RERE: variants seen among roughly 807,000 people sequenced by gnomAD.
RERE encodes the protein arginine-glutamic acid dipeptide repeats.
A neutral mutation model predicts 146.1 loss-of-function variants in RERE; 40 were observed. The ratio of observed to expected loss-of-function variants is 0.27; its 90% CI spans 0.21 to 0.36. The LOEUF is 0.36. Among genes scored for constraint, RERE ranks in the 10% least tolerant of loss-of-function variants. The pLI, the probability that RERE is intolerant of heterozygous loss-of-function variation, is 1.00. For synonymous variants in RERE, 1,003 were observed against 866.0 expected (o/e 1.16, Z -2.78); for missense variants, 1,933 against 2,138.7 (o/e 0.90, Z 1.90).
intron 12 of RERE, among the ~76,000 whole-genome samples, chr1:8,383,629 G>A (rs1642531542): frequency 6.6e-6 from 1 of 152,128 alleles, no homozygotes; most frequent in Non-Finnish European, 1.5e-5. Flanking sequence ...GGGAGGCTGA[G>A]GTGGGTGGAT....
At chr1:8,802,395 T>C (rs1569829614) in intron 1 of RERE, among the ~76,000 whole-genome samples, 1 of 152,300 alleles carries the variant, frequency 6.6e-6, no homozygotes, top group Non-Finnish European at 1.5e-5. Flanking sequence ...AAAAAGAAAA[T>C]TGAAACACAA....
intron 12 of RERE, among the ~76,000 whole-genome samples, chr1:8,383,959 T>C (rs1447901378): frequency 3.3e-5 from 5 of 152,192 alleles, no homozygotes; most frequent in African/African-American, 1.2e-4. Flanking sequence ...CTTATGATAA[T>C]GTGGGGCTCA....
chr1:8,641,987 G>A (rs1441677776), intron 2 of RERE, among the ~76,000 whole-genome samples: 1 of 152,140 alleles, frequency 6.6e-6, no homozygotes, highest in Non-Finnish European at 1.5e-5. Flanking sequence ...TTTTATCTCT[G>A]TGAAGATCTA....
chr1:8,524,217 G>A (rs1375197758), intron 7 of RERE, among the ~76,000 whole-genome samples: 1 of 152,088 alleles, frequency 6.6e-6, no homozygotes, highest in Non-Finnish European at 1.5e-5. Context: ...GGTCACAATG[G>A]GAAGAAAGCC....
At chr1:8,739,870 A>T (rs1640273916) in intron 1 of RERE, among the ~76,000 whole-genome samples, 1 of 149,838 alleles carries the variant, frequency 6.7e-6, no homozygotes, top group African/African-American at 2.4e-5. Flanking sequence ...TATATAATAA[A>T]TAATATATTA....
intron 1 of RERE, among the ~76,000 whole-genome samples, chr1:8,744,504 C>A (rs1640380258): frequency 6.6e-6 from 1 of 152,158 alleles, no homozygotes; most frequent in South Asian, 2.1e-4. Context: ...AAAACATACA[C>A]AGCAATGTAA....
intron 8 of RERE, among the ~76,000 whole-genome samples, chr1:8,505,327 G>A (rs935874922): frequency 6.6e-6 from 1 of 152,174 alleles, no homozygotes; most frequent in Admixed American, 6.5e-5. Flanking sequence ...TATTGTGATT[G>A]TGTCCAAATC....
chr1:8,493,713 A>T (rs568173541), intron 10 of RERE, among the ~76,000 whole-genome samples: 6 of 151,570 alleles, frequency 4.0e-5, no homozygotes, highest in South Asian at 4.2e-4. Context: ...TCAAGAAATT[A>T]AAAAAAAAGA....
chr1:8,607,522 T>TTATATA (rs1274537900), intron 4 of RERE, among the ~76,000 whole-genome samples: 4 of 145,628 alleles, frequency 2.7e-5, no homozygotes, highest in East Asian at 4.1e-4. Context: ...ATATTTGTTT[T>TTATATA]TATATATATT....
chr1:8,361,694 G>A, intron 17 of RERE, 69 bp downstream of exon 17: 2 of 1,445,386 alleles, frequency 1.4e-6, no homozygotes, highest in South Asian at 1.2e-5. Context: ...ACCAACTAGG[G>A]AGAACCCCGG....
chr1:8,360,786 C>T lies in RERE; in HGVS notation c.2721G>A (p.Leu907=). The part of the protein sequence containing the change: ...SLQLPASQSA[L]QSQQPPREQP... ...GCTCCCGTGGAGGCTGTTGGGACTG[C>T]AGCGCTGACTGAGAGGCTGGCAGCT... Residue 907 remains leucine, a synonymous_variant, in exon 18 of 23, where the codon CTG becomes CTA. Coordinates refer to ENST00000400908, the MANE Select transcript of RERE (RefSeq NM_001042681.2). The T allele has an allele frequency of 6.3e-7, 1 of 1,590,560 alleles. No individual in the cohort carries two copies. The highest frequency in any genetic ancestry group is 8.5e-7 in the Non-Finnish European group (1 of 1,173,582).
chr1:8,514,726 G>A (rs926114959), intron 7 of RERE, among the ~76,000 whole-genome samples: 4 of 149,486 alleles, frequency 2.7e-5, no homozygotes, highest in South Asian at 2.1e-4. Flanking sequence ...ATGAAACTCC[G>A]CCTCAAAAAA....
At chr1:8,397,175 CTG>C (rs1643084120) in intron 12 of RERE, among the ~76,000 whole-genome samples, 1 of 152,212 alleles carries the variant, frequency 6.6e-6, no homozygotes, top group Non-Finnish European at 1.5e-5. Context: ...AGTGTGAACT[CTG>C]TGTTCTTTGG....
At chr1:8,400,220 A>ATG (rs1491569097) in intron 12 of RERE, among the ~76,000 whole-genome samples, 5 of 33,902 alleles carry the variant, frequency 1.5e-4, no homozygotes, top group African/African-American at 3.2e-4. Context: ...TTCCTGTGTC[A>ATG]TATGTGTGTG....
intron 1 of RERE, among the ~76,000 whole-genome samples, chr1:8,710,674 C>T (rs900725658): frequency 6.6e-6 from 1 of 152,108 alleles, no homozygotes; most frequent in Admixed American, 6.5e-5. Context: ...GCCCACCACG[C>T]CCGGCTAATT....
chr1:8,355,275 C>T (rs1185093882), intron 22 of RERE, 144 bp downstream of exon 22: 3 of 1,142,024 alleles, frequency 2.6e-6, no homozygotes, highest in Non-Finnish European at 3.8e-6. Context: ...CTCCCTTCCT[C>T]TGTTTCTCCC....
At chr1:8,519,306 C>A (rs1645461078) in intron 7 of RERE, among the ~76,000 whole-genome samples, 1 of 152,142 alleles carries the variant, frequency 6.6e-6, no homozygotes, top group Non-Finnish European at 1.5e-5. Flanking sequence ...GTAAAATGCA[C>A]CTGCAGTCCC....
chr1:8,640,146 C>T (rs909174586), intron 2 of RERE, among the ~76,000 whole-genome samples: 1 of 130,580 alleles, frequency 7.7e-6, no homozygotes, highest in African/African-American at 2.8e-5. Context: ...CAGAGTAAGA[C>T]CCTGTCTCAG....
chr1:8,359,592 G>A (rs978739689), intron 19 of RERE, among the ~76,000 whole-genome samples, 172 bp downstream of exon 19: 2 of 152,196 alleles, frequency 1.3e-5, no homozygotes, highest in African/African-American at 4.8e-5. Context: ...CGGCAGCTTC[G>A]GATGTGCAGC....
Sources: allele counts gnomAD v4.1 joint callset (sites outside exome capture counted in the v4.1 genomes callset), GRCh38; gene constraint gnomAD v4.1.1; transcripts MANE v1.5; gene names NCBI Gene and HGNC (gene_info 2026-07-23, HGNC 2026-07-21).